ZNF521: variants seen among roughly 807,000 people sequenced by gnomAD.
ZNF521 encodes the protein zinc finger protein 521.
A neutral mutation model predicts 105.5 loss-of-function variants in ZNF521; 14 were observed. The observed-to-expected ratio is 0.13, with a 90% CI of 0.09 to 0.21. The LOEUF (loss-of-function observed/expected upper bound fraction) is 0.21. Among genes scored for constraint, ZNF521 ranks in the 10% least tolerant of loss-of-function variants. The pLI is 1.00. For missense variants in ZNF521, 1,233 were observed against 1,629.7 expected (o/e 0.76, Z 4.19); for synonymous variants, 635 against 606.0 (o/e 1.05, Z -0.70).
chr18:25,245,145 T>C (rs887644223), intron 3 of ZNF521, among the ~76,000 whole-genome samples: 4 of 152,242 alleles, frequency 2.6e-5, no homozygotes, highest in Admixed American at 6.5e-5. Context: ...AGCATTCCTG[T>C]TCTGAGGAAG....
At chr18:25,211,367 G>A (rs1449658633) in intron 4 of ZNF521, among the ~76,000 whole-genome samples, 3 of 152,120 alleles carry the variant, frequency 2.0e-5, no homozygotes, top group Non-Finnish European at 4.4e-5. Context: ...TGATAACATA[G>A]GTAATGTATA....
chr18:25,117,650 T>A (rs2034355192), intron 5 of ZNF521, among the ~76,000 whole-genome samples: 1 of 152,086 alleles, frequency 6.6e-6, no homozygotes, highest in Non-Finnish European at 1.5e-5. Flanking sequence ...AAATAATCCC[T>A]GTATGGGCTT....
intron 5 of ZNF521, among the ~76,000 whole-genome samples, chr18:25,124,759 G>T (rs1483672954): frequency 1.3e-5 from 2 of 152,066 alleles, no homozygotes; most frequent in African/African-American, 4.8e-5. Flanking sequence ...GAGATATTTT[G>T]TTCCAAACAA....
At chr18:25,146,907 G>T (rs1306877275) in intron 5 of ZNF521, among the ~76,000 whole-genome samples, 1 of 151,994 alleles carries the variant, frequency 6.6e-6, no homozygotes. Context: ...TTGATAGCAG[G>T]AGTCACATCT....
intron 4 of ZNF521, chr18:25,202,200 T>C (rs1289854617): frequency 2.0e-5 from 3 of 152,204 alleles, no homozygotes; most frequent in Non-Finnish European, 4.4e-5. Flanking sequence ...TTATTAAATA[T>C]AGCTTTAAAA....
intron 5 of ZNF521, among the ~76,000 whole-genome samples, chr18:25,157,210 T>TA (rs889421229): frequency 5.3e-5 from 8 of 151,116 alleles, no homozygotes; most frequent in African/African-American, 1.9e-4. Context: ...AAAATAAAAA[T>TA]AAAAAAAAGC....
In ZNF521 at chr18:25,332,276, G is replaced by A. The variant is rs144630598; in HGVS notation, c.41-10089C>T. Among the ~76,000 whole-genome samples the A allele has an allele frequency of 4.5e-4, 63 of 141,480 alleles. No individual in the cohort carries two copies. In the East Asian group the frequency reaches 0.013, roughly 29 times the overall value. The allele number at this position is 141,480 out of a possible 152,430, so 92.8% of individuals were successfully genotyped here. ...CTGCCTTGGTAACATGATGACTCAG[G>A]AAAAGAGAAATTTTAAAAAAAGAAA... On this transcript the variant is annotated intron_variant, in intron 2 of 7. Coordinates refer to ENST00000361524, the MANE Select transcript of ZNF521 (RefSeq NM_015461.3).
At chr18:25,092,955 G>T (rs947287074) in intron 5 of ZNF521, among the ~76,000 whole-genome samples, 4 of 152,090 alleles carry the variant, frequency 2.6e-5, no homozygotes, top group Non-Finnish European at 4.4e-5. Context: ...ATTTCATTGT[G>T]CAATTGTAAG....
At chr18:25,208,262 A>G (rs2144675641) in intron 4 of ZNF521, among the ~76,000 whole-genome samples, 1 of 152,320 alleles carries the variant, frequency 6.6e-6, no homozygotes, top group Middle Eastern at 3.4e-3. Context: ...AGCAACAACT[A>G]TGTTTGCCTT....
At chr18:25,080,143 G>A (rs2033460276) in intron 7 of ZNF521, among the ~76,000 whole-genome samples, 1 of 152,178 alleles carries the variant, frequency 6.6e-6, no homozygotes, top group Admixed American at 6.5e-5. Flanking sequence ...CCCCGCTTTT[G>A]CAAACTTGGC....
At chr18:25,303,957 T>C (rs557544176) in intron 3 of ZNF521, among the ~76,000 whole-genome samples, 10 of 152,224 alleles carry the variant, frequency 6.6e-5, no homozygotes, top group Non-Finnish European at 1.2e-4. Flanking sequence ...AAGATAATAT[T>C]GACCTACCTC....
chr18:25,220,567 G>C (rs188627210), intron 4 of ZNF521, among the ~76,000 whole-genome samples: 15 of 152,156 alleles, frequency 9.9e-5, no homozygotes, highest in Non-Finnish European at 2.2e-4. Flanking sequence ...CTGTTTTCTT[G>C]TCTGTAAAAT....
chr18:25,097,110 A>C (rs1600015733), intron 5 of ZNF521, among the ~76,000 whole-genome samples: 1 of 152,126 alleles, frequency 6.6e-6, no homozygotes, highest in Non-Finnish European at 1.5e-5. Context: ...GAGGAGTAAC[A>C]AAGAAAAGCC....
intron 4 of ZNF521, among the ~76,000 whole-genome samples, chr18:25,207,705 G>T (rs1418128318): frequency 6.6e-6 from 1 of 152,102 alleles, no homozygotes; most frequent in Non-Finnish European, 1.5e-5. Context: ...ATATCATGAT[G>T]GAGGGAACCA....
At chr18:25,348,250 A>G (rs1914548945) in intron 2 of ZNF521, among the ~76,000 whole-genome samples, 1 of 152,180 alleles carries the variant, frequency 6.6e-6, no homozygotes, top group Admixed American at 6.5e-5. Flanking sequence ...TCTGAATGAT[A>G]TAATGGACAA....
intron 3 of ZNF521, among the ~76,000 whole-genome samples, chr18:25,311,296 A>G (rs1912290559): frequency 6.6e-6 from 1 of 152,022 alleles, no homozygotes; most frequent in Non-Finnish European, 1.5e-5. Context: ...CTTTTTTAGT[A>G]ACCCACTCCT....
At chr18:25,102,390 G>T (rs2144261881) in intron 5 of ZNF521, among the ~76,000 whole-genome samples, 1 of 152,126 alleles carries the variant, frequency 6.6e-6, no homozygotes, top group South Asian at 2.1e-4. Flanking sequence ...GAGGAAAAAA[G>T]AAAGGGAAAG....
At chr18:25,142,831 T>C (rs991367553) in intron 5 of ZNF521, among the ~76,000 whole-genome samples, 2 of 152,214 alleles carry the variant, frequency 1.3e-5, no homozygotes, top group Non-Finnish European at 1.5e-5. Flanking sequence ...CTATTAGTTT[T>C]AGAAATAAAA....
chr18:25,292,076 C>T (rs915475373), intron 3 of ZNF521, among the ~76,000 whole-genome samples: 4 of 152,010 alleles, frequency 2.6e-5, no homozygotes, highest in African/African-American at 9.7e-5. Context: ...AAGTGCTATC[C>T]AAGGTTATTG....
Sources: gnomAD v4.1 joint callset for allele counts (sites outside exome capture counted in the v4.1 genomes callset) on GRCh38, gnomAD v4.1.1 for gene constraint, MANE v1.5 for transcripts, NCBI Gene and HGNC (gene_info 2026-07-23, HGNC 2026-07-21) for gene names.